SPATA7: variants seen among roughly 807,000 people sequenced by gnomAD.
The protein encoded by SPATA7 is spermatogenesis associated 7, also known as spermatogenesis-associated protein 7.
A neutral mutation model predicts 51.8 loss-of-function variants in SPATA7; 43 were observed. The observed-to-expected ratio is 0.83, with a 90% CI of 0.65 to 1.07. The LOEUF (loss-of-function observed/expected upper bound fraction) is 1.07. SPATA7 is among the 50% of genes least tolerant of loss of function. The pLI is 0.00. For missense variants in SPATA7, 683 were observed against 701.3 expected (o/e 0.97, Z 0.30); for synonymous variants, 230 against 252.8 (o/e 0.91, Z 0.86).
intron 4 of SPATA7, chr14:88,466,280 A>G (rs2077361992): frequency 6.6e-6 from 1 of 152,220 alleles, no homozygotes; most frequent in Non-Finnish European, 1.5e-5. Flanking sequence ...TAAAATAAAA[A>G]TGTAAAATTT....
intron 4 of SPATA7, among the ~76,000 whole-genome samples, chr14:88,398,081 CAA>C (rs34493988): frequency 1.9e-4 from 26 of 139,364 alleles, no homozygotes; most frequent in Non-Finnish European, 2.5e-4. Flanking sequence ...GACACCGTCT[CAA>C]AAAAAAAAAA....
chr14:88,453,988 A>C (rs146936137), intron 3 of SPATA7, among the ~76,000 whole-genome samples: 1,861 of 152,318 alleles, frequency 0.012, 13 homozygotes, highest in Non-Finnish European at 0.018. Flanking sequence ...CACACCTAGC[A>C]GTTTGGGACA....
chr14:88,431,261 G>T (rs759599666), intron 9 of SPATA7, 36 bp downstream of exon 9: 4 of 1,566,652 alleles, frequency 2.6e-6, no homozygotes, highest in Non-Finnish European at 2.6e-6. Context: ...TTGCATAGTG[G>T]AATCAAGGAT....
intron 5 of SPATA7, among the ~76,000 whole-genome samples, chr14:88,420,320 C>A (rs547919444): frequency 6.6e-6 from 1 of 152,202 alleles, no homozygotes; most frequent in East Asian, 1.9e-4. Context: ...ATATTTATAA[C>A]ATAATCTTAT....
chr14:88,399,143 C>G (rs2075987005), intron 4 of SPATA7, among the ~76,000 whole-genome samples: 1 of 152,050 alleles, frequency 6.6e-6, no homozygotes, highest in African/African-American at 2.4e-5. Context: ...AGGGAAATGC[C>G]TTTTGGGTGC....
chr14:88,385,990 C>T, intron 1 of SPATA7, 153 bp downstream of exon 1: 2 of 1,502,334 alleles, frequency 1.3e-6, no homozygotes, highest in Non-Finnish European at 1.8e-6. Context: ...CTGCCCAGGC[C>T]TGCGCAAAGG....
chr14:88,451,361 G>A (rs888375803), intron 3 of SPATA7, among the ~76,000 whole-genome samples: 1 of 151,978 alleles, frequency 6.6e-6, no homozygotes. Flanking sequence ...GTAGAGACAG[G>A]GTTCACCACG....
Position 88,392,834 on chromosome 14 carries a change from G to A in SPATA7, c.95-559G>A, listed in dbSNP as rs895277724. ...GATTTCTTTTAAACAGTTTGAATGA[G>A]GACCAAGGAGTTTAATGTCATGGAA... is the stretch of plus-strand genomic sequence containing the variant. On this transcript the variant is annotated intron_variant, in intron 2 of 11. Coordinates refer to ENST00000393545, the MANE Select transcript of SPATA7 (RefSeq NM_018418.5). Among the ~76,000 whole-genome samples, 7 of 150,408 alleles carry A rather than the reference G, an allele frequency of 4.7e-5. No homozygotes were observed. In the East Asian group the frequency reaches 1.3e-3, roughly 29 times the overall value.
intron 4 of SPATA7, among the ~76,000 whole-genome samples, chr14:88,464,418 C>T (rs2077340209): frequency 6.6e-6 from 1 of 152,038 alleles, no homozygotes. Flanking sequence ...CATTTCTATC[C>T]AAAAGAGTTC....
Position 88,437,855 on chromosome 14 carries a change from G to C in SPATA7, c.1233G>C (p.Leu411=), listed in dbSNP as rs768589546. Residue 411 remains leucine (L), a synonymous_variant, in exon 12 of 12, where the codon CTG becomes CTC. Coordinates refer to ENST00000393545, the MANE Select transcript of SPATA7 (RefSeq NM_018418.5). ...AATCCTAGGAAAAAATGCGCCACCTGCTGCATGTCCTGAAAGTAGACTTAG... is the reference window on the plus strand; with the variant it reads ...AATCCTAGGAAAAAATGCGCCACCTCCTGCATGTCCTGAAAGTAGACTTAG... ...KHLEEEKMRH[L]LHVLKVDLGC... 2.5e-6 allele frequency: 4 copies of C among 1,594,812 alleles called. No homozygotes were observed. The highest frequency in any genetic ancestry group is 2.2e-5 in the East Asian group (1 of 44,700).
intron 3 of SPATA7, among the ~76,000 whole-genome samples, chr14:88,394,720 A>T (rs1308136857): frequency 6.6e-6 from 1 of 152,196 alleles, no homozygotes; most frequent in Non-Finnish European, 1.5e-5. Context: ...GTTTAATTTT[A>T]TAAGAAACTA....
chr14:88,398,950 G>T (rs1041031853), intron 4 of SPATA7, among the ~76,000 whole-genome samples: 1 of 151,688 alleles, frequency 6.6e-6, no homozygotes, highest in East Asian at 1.9e-4. Context: ...TGCTCGGGAG[G>T]CTGAGGCAGG....
At chr14:88,387,734 G>GC (rs765860467) in intron 1 of SPATA7, among the ~76,000 whole-genome samples, 1 of 152,128 alleles carries the variant, frequency 6.6e-6, no homozygotes, top group Non-Finnish European at 1.5e-5. Flanking sequence ...GTAATCTTCA[G>GC]CATGTCACTG....
chr14:88,462,038 T>C (rs894191822), intron 4 of SPATA7, among the ~76,000 whole-genome samples: 1 of 152,192 alleles, frequency 6.6e-6, no homozygotes, highest in Non-Finnish European at 1.5e-5. Flanking sequence ...ATTATTTCAG[T>C]AAAACTACAA....
chr14:88,388,088 G>T (rs2075632346), intron 1 of SPATA7, among the ~76,000 whole-genome samples: 1 of 152,086 alleles, frequency 6.6e-6, no homozygotes, highest in African/African-American at 2.4e-5. Flanking sequence ...TGTAGTCCCA[G>T]CTACTCGGGA....
downstream of SPATA7, among the ~76,000 whole-genome samples, chr14:88,440,044 G>T (rs56364726): frequency 0.027 from 4,115 of 152,100 alleles, 183 homozygotes; most frequent in African/African-American, 0.09. Context: ...TACCCCTCTA[G>T]TTGCTTCTTG....
chr14:88,432,745 C>T (rs770606496), intron 9 of SPATA7: 1 of 165,912 alleles, frequency 6.0e-6, no homozygotes, highest in African/African-American at 2.4e-5. Context: ...GAGGGACTTG[C>T]ACCTCTGCTG....
rs142053000 is a variant in SPATA7, at chr14:88,429,418, C to T, written c.983C>T (p.Thr328Ile). Residue 328 changes from threonine to isoleucine, a missense_variant, in exon 8 of 12, where the codon ACA becomes ATA. Transcript: ENST00000393545. ...APLPLEGHDS[T>I]WDEIKDDALQ... Reference sequence around the variant, plus strand: ...TTACCTTTAGAAGGGCATGACTCAACATGGGATGAGATTAAGGATGATGCT... The same window carrying T: ...TTACCTTTAGAAGGGCATGACTCAATATGGGATGAGATTAAGGATGATGCT... 6.2e-7 allele frequency: 1 copy of T among 1,612,754 alleles called. No individual in the cohort carries two copies. Among genetic ancestry groups the T allele is most frequent in the African/African-American group, 1.3e-5 (1 of 74,974 alleles).
At chr14:88,432,488 A>G (rs2076967837) in intron 9 of SPATA7, 1 of 152,236 alleles carries the variant, frequency 6.6e-6, no homozygotes. Context: ...TGTAATAGCT[A>G]CTAAAATATA....
Sources: gnomAD v4.1 joint callset for allele counts (sites outside exome capture counted in the v4.1 genomes callset) on GRCh38, gnomAD v4.1.1 for gene constraint, MANE v1.5 for transcripts, NCBI Gene and HGNC (gene_info 2026-07-23, HGNC 2026-07-21) for gene names.